FERMT2: variants seen among roughly 807,000 people sequenced by gnomAD.
FERMT2 encodes FERM domain containing kindlin 2, also known as fermitin family homolog 2.
FERMT2 carries 15 observed loss-of-function variants against 82.7 expected under a neutral mutation model. The observed-to-expected ratio is 0.18, with a 90% CI of 0.12 to 0.28. The LOEUF (loss-of-function observed/expected upper bound fraction) is 0.28. Ranked by LOEUF, FERMT2 falls within the 10% of genes least tolerant of loss-of-function variation. The pLI is 1.00. For synonymous variants in FERMT2, 274 were observed against 271.5 expected (o/e 1.01, Z -0.09); for missense variants, 645 against 809.4 (o/e 0.80, Z 2.46).
In FERMT2 at chr14:52,858,231, C is replaced by T; in HGVS notation, c.*146G>A. On this transcript the variant is annotated 3_prime_UTR_variant, in exon 15 of 15. Transcript: ENST00000341590. ...GATTAATAGTCGTGCTTGTTTAGTG[C>T]ACATATTAACTGGTCTGGTAAGGCA... The T allele has an allele frequency of 1.6e-6, 1 of 640,532 alleles. No individual in the cohort carries two copies. Among genetic ancestry groups the T allele is most frequent in the East Asian group, 2.7e-5 (1 of 36,872 alleles). 39.7% of individuals were successfully genotyped at this position (640,532 alleles called of 1,614,324 possible).
intron 2 of FERMT2, among the ~76,000 whole-genome samples, chr14:52,936,116 G>C (rs759943150): frequency 6.6e-6 from 1 of 152,202 alleles, no homozygotes; most frequent in African/African-American, 2.4e-5. Flanking sequence ...AATTCTAAGA[G>C]AGTAACATCA....
chr14:52,873,959 T>C (rs1885798296), intron 9 of FERMT2, among the ~76,000 whole-genome samples: 1 of 152,188 alleles, frequency 6.6e-6, no homozygotes. Flanking sequence ...TTTTTTTTTT[T>C]TTTTTAAAGA....
intron 14 of FERMT2, chr14:52,859,183 T>C (rs1884748948): frequency 6.1e-6 from 1 of 163,998 alleles, no homozygotes; most frequent in African/African-American, 2.4e-5. Context: ...CAGGTCTCTC[T>C]ATTGCAGTGT....
chr14:52,937,526 T>TA (rs1889899605), intron 2 of FERMT2, among the ~76,000 whole-genome samples: 1 of 152,206 alleles, frequency 6.6e-6, no homozygotes, highest in South Asian at 2.1e-4. Flanking sequence ...TGTCTTCCTG[T>TA]ATTCAAGGGC....
intron 2 of FERMT2, among the ~76,000 whole-genome samples, chr14:52,919,714 C>T (rs1317430218): frequency 6.6e-6 from 1 of 152,090 alleles, no homozygotes; most frequent in Non-Finnish European, 1.5e-5. Context: ...TGGAACTCGT[C>T]CTATAGGAAT....
At chr14:52,924,743 T>C (rs527664125) in intron 2 of FERMT2, among the ~76,000 whole-genome samples, 7 of 152,264 alleles carry the variant, frequency 4.6e-5, no homozygotes, top group African/African-American at 1.7e-4. Flanking sequence ...GATCAATAGA[T>C]AGAATAATAG....
At chr14:52,904,440 C>CAG (rs1566741508) in intron 3 of FERMT2, among the ~76,000 whole-genome samples, 6 of 152,080 alleles carry the variant, frequency 3.9e-5, no homozygotes, top group Non-Finnish European at 7.4e-5. Context: ...TTGCTTGAAC[C>CAG]TGGGAGGTGG....
At chr14:52,912,063 C>T (rs533517832) in intron 3 of FERMT2, among the ~76,000 whole-genome samples, 2 of 151,634 alleles carry the variant, frequency 1.3e-5, no homozygotes, top group African/African-American at 4.9e-5. Context: ...TCAGATACCC[C>T]CCTTCCCTGT....
intron 3 of FERMT2, among the ~76,000 whole-genome samples, chr14:52,898,992 G>C (rs1203350266): frequency 2.0e-5 from 3 of 152,092 alleles, no homozygotes; most frequent in Admixed American, 2.0e-4. Flanking sequence ...TGATTCAAAT[G>C]TATTTTTGTT....
At chr14:52,935,282 AT>A (rs1889784249) in intron 2 of FERMT2, among the ~76,000 whole-genome samples, 1 of 152,172 alleles carries the variant, frequency 6.6e-6, no homozygotes, top group African/African-American at 2.4e-5. Context: ...AAGGTACCCC[AT>A]TCCATTTTAG....
Position 52,950,970 on chromosome 14 carries a change from G to A in FERMT2, c.-59C>T, listed in dbSNP as rs1890612824. 1 of 156,744 alleles carries A rather than the reference G, an allele frequency of 6.4e-6. No individual in the cohort carries two copies. The highest frequency in any genetic ancestry group is 1.4e-5 in the Non-Finnish European group (1 of 71,620). The allele number at this position is 156,744 out of a possible 1,614,324, so 9.7% of individuals were successfully genotyped here. On this transcript the variant is annotated 5_prime_UTR_variant, in exon 1 of 15. Coordinates refer to ENST00000341590, the MANE Select transcript of FERMT2 (RefSeq NM_006832.3). ...CGGGACTCGCGCGGCAACAGGCGAG[G>A]GGCTGGAGGCTCGCGGGGCGGCGGT... is the stretch of plus-strand genomic sequence containing the variant.
intron 3 of FERMT2, among the ~76,000 whole-genome samples, chr14:52,901,907 A>T (rs928841291): frequency 6.6e-6 from 1 of 152,226 alleles, no homozygotes; most frequent in South Asian, 2.1e-4. Flanking sequence ...TGCTAAATTT[A>T]TGGTAATTTG....
chr14:52,915,134 T>C (rs372373636), intron 3 of FERMT2, among the ~76,000 whole-genome samples: 1 of 152,180 alleles, frequency 6.6e-6, no homozygotes, highest in Non-Finnish European at 1.5e-5. Context: ...AATATCTTTC[T>C]AGACAAAATG....
chr14:52,866,736 G>A (rs1224829496), intron 10 of FERMT2, among the ~76,000 whole-genome samples: 1 of 152,112 alleles, frequency 6.6e-6, no homozygotes, highest in Non-Finnish European at 1.5e-5. Flanking sequence ...TTGGTCTCAA[G>A]GGACAACTCC....
chr14:52,859,825 T>C, intron 13 of FERMT2, 111 bp from the exon 14 acceptor site: 2 of 603,082 alleles, frequency 3.3e-6, no homozygotes, highest in East Asian at 6.7e-5. Context: ...CTATTCTTTT[T>C]TTTTTTTTTT....
rs113834568 is a variant in FERMT2 at position 52,858,703 on chromosome 14, T to TTAAG, written c.1870-157_1870-154dup. The TTAAG allele has an allele frequency of 1.2e-3, 741 of 619,452 alleles. 4 individuals carry two copies. In the African/African-American group the frequency reaches 0.012, roughly 10 times the overall value. The allele number at this position is 619,452 out of a possible 1,614,324, so 38.4% of individuals were successfully genotyped here. A position where few individuals can be genotyped will look rare whatever the true frequency, so the allele number is the denominator to read the frequency against. On this transcript the variant is annotated intron_variant, in intron 14 of 14. Transcript: ENST00000341590. ...TCTAAAACCTAAACGAATAATGCCT[T>TTAAG]TAAGTCCCAAAGAAGAAGCTAAGTT...
At chr14:52,897,924 T>A (rs1415946057) in intron 3 of FERMT2, among the ~76,000 whole-genome samples, 4 of 119,518 alleles carry the variant, frequency 3.3e-5, no homozygotes, top group Non-Finnish European at 6.3e-5. Flanking sequence ...TGCAGTGAGC[T>A]AAGATCATGC....
At chr14:52,892,807 T>C (rs1299860840) in intron 4 of FERMT2, among the ~76,000 whole-genome samples, 1 of 152,204 alleles carries the variant, frequency 6.6e-6, no homozygotes, top group Non-Finnish European at 1.5e-5. Flanking sequence ...GTGGTTTTCA[T>C]GAACTAGATA....
chr14:52,882,892 A>G (rs1200752532), intron 4 of FERMT2, among the ~76,000 whole-genome samples: 2 of 152,102 alleles, frequency 1.3e-5, no homozygotes, highest in Non-Finnish European at 2.9e-5. Flanking sequence ...CAATGTTAGT[A>G]CTAAAAAAAA....
Sources: gnomAD v4.1 joint callset for allele counts (sites outside exome capture counted in the v4.1 genomes callset) on GRCh38, gnomAD v4.1.1 for gene constraint, MANE v1.5 for transcripts, NCBI Gene and HGNC (gene_info 2026-07-23, HGNC 2026-07-21) for gene names.